Variants in LGSN observed in about 807,000 individuals in gnomAD.
LGSN encodes the protein lengsin, lens protein with glutamine synthetase domain, also known as lengsin.
Under a neutral mutation model 19.5 loss-of-function variants are expected in LGSN, and 21 were observed. That is an observed-to-expected ratio of 1.07 (90% CI 0.76 to 1.55). The LOEUF (loss-of-function observed/expected upper bound fraction) is 1.55. Among genes scored for constraint, LGSN ranks in the 40% most tolerant of loss-of-function variants. The pLI, the probability that LGSN is intolerant of heterozygous loss-of-function variation, is 0.00. For synonymous variants in LGSN, 257 were observed against 215.6 expected (o/e 1.19, Z -1.68); for missense variants, 673 against 608.5 (o/e 1.11, Z -1.12).
the LGSN span, among the ~76,000 whole-genome samples, chr6:63,457,031 A>G: frequency 1.3e-5 from 2 of 152,166 alleles, no homozygotes; most frequent in Non-Finnish European, 2.9e-5. Flanking sequence ...GCTTGACCTC[A>G]TTAAGGAATG....
the LGSN span, among the ~76,000 whole-genome samples, chr6:63,490,209 C>T: frequency 6.6e-6 from 1 of 152,168 alleles, no homozygotes; most frequent in Non-Finnish European, 1.5e-5. Flanking sequence ...TGTCCTTCTT[C>T]GAGTTAGATG....
chr6:63,489,830 C>T, the LGSN span, among the ~76,000 whole-genome samples: 1 of 152,128 alleles, frequency 6.6e-6, no homozygotes, highest in Non-Finnish European at 1.5e-5. Context: ...GCTCTGCCTC[C>T]TGAGGAGTAA....
the LGSN span, among the ~76,000 whole-genome samples, chr6:63,379,177 G>GC: frequency 1.3e-3 from 191 of 151,128 alleles, no homozygotes; most frequent in East Asian, 4.5e-3. Context: ...GAGAGTAAAT[G>GC]CCCCCCCCTT....
the LGSN span, among the ~76,000 whole-genome samples, chr6:63,332,607 C>A: frequency 6.6e-6 from 1 of 152,162 alleles, no homozygotes; most frequent in Non-Finnish European, 1.5e-5. Context: ...TCCTGGAAAG[C>A]CTGACACCCA....
At chr6:63,542,552 C>G in the LGSN span, among the ~76,000 whole-genome samples, 1 of 152,084 alleles carries the variant, frequency 6.6e-6, no homozygotes, top group Non-Finnish European at 1.5e-5. Context: ...CCCATGTTGC[C>G]TCTCTCCAAT....
the LGSN span, among the ~76,000 whole-genome samples, chr6:63,518,775 A>T: frequency 6.6e-6 from 1 of 152,230 alleles, no homozygotes; most frequent in African/African-American, 2.4e-5. Context: ...TCATAAATGT[A>T]CCTGGGAAGT....
intron 2 of LGSN, among the ~76,000 whole-genome samples, chr6:63,294,470 C>T (rs757157334): frequency 6.6e-6 from 1 of 152,160 alleles, no homozygotes; most frequent in Non-Finnish European, 1.5e-5. Flanking sequence ...TAGGATTGAG[C>T]CTGTTGCCCA....
chr6:63,297,450 A>T (rs933608703), intron 1 of LGSN, among the ~76,000 whole-genome samples: 2 of 152,076 alleles, frequency 1.3e-5, no homozygotes, highest in African/African-American at 4.8e-5. Flanking sequence ...TTTCAAATGA[A>T]GAATACATTT....
chr6:63,501,064 T>C, the LGSN span, among the ~76,000 whole-genome samples: 2 of 152,078 alleles, frequency 1.3e-5, no homozygotes, highest in Admixed American at 6.6e-5. Flanking sequence ...GCTTTGCTTT[T>C]TTAAAAAAGG....
the LGSN span, among the ~76,000 whole-genome samples, chr6:63,329,519 C>T: frequency 6.6e-6 from 1 of 152,192 alleles, no homozygotes. Context: ...CCTTACTAAG[C>T]CTTGAGCCTT....
At chr6:63,510,838 T>A in the LGSN span, among the ~76,000 whole-genome samples, 1 of 151,918 alleles carries the variant, frequency 6.6e-6, no homozygotes, top group Non-Finnish European at 1.5e-5. Context: ...CATACCTGGC[T>A]AATTTTTGTA....
chr6:63,451,492 A>T, the LGSN span, among the ~76,000 whole-genome samples: 1 of 152,230 alleles, frequency 6.6e-6, no homozygotes, highest in Admixed American at 6.5e-5. Flanking sequence ...ATGCAGGAAC[A>T]GAAAACCAAA....
chr6:63,380,448 A>G, the LGSN span, among the ~76,000 whole-genome samples: 3 of 152,212 alleles, frequency 2.0e-5, no homozygotes, highest in Non-Finnish European at 4.4e-5. Flanking sequence ...GCACAGACCT[A>G]TTTTTATGTT....
intron 1 of LGSN, among the ~76,000 whole-genome samples, chr6:63,302,711 C>T (rs1432866823): frequency 1.3e-5 from 2 of 152,150 alleles, no homozygotes; most frequent in Non-Finnish European, 2.9e-5. Flanking sequence ...GTGCTATGCA[C>T]CTAAATTGAA....
the LGSN span, among the ~76,000 whole-genome samples, chr6:63,553,459 G>A: frequency 1.3e-5 from 2 of 152,186 alleles, no homozygotes; most frequent in Non-Finnish European, 2.9e-5. Flanking sequence ...AGTTACATGG[G>A]TGGCCTAAAA....
chr6:63,419,240 G>T, the LGSN span, among the ~76,000 whole-genome samples: 1 of 152,100 alleles, frequency 6.6e-6, no homozygotes, highest in African/African-American at 2.4e-5. Flanking sequence ...AATGGTCAGG[G>T]TTTTTAGTTG....
At chr6:63,422,781 AGG>A in the LGSN span, among the ~76,000 whole-genome samples, 1 of 152,140 alleles carries the variant, frequency 6.6e-6, no homozygotes, top group Non-Finnish European at 1.5e-5. Context: ...CCAGGAAGAC[AGG>A]GAAAAGAAAA....
chr6:63,298,957 A>C (rs1047984145), intron 1 of LGSN, among the ~76,000 whole-genome samples: 1 of 152,212 alleles, frequency 6.6e-6, no homozygotes, highest in African/African-American at 2.4e-5. Flanking sequence ...CTTTTGGCTT[A>C]GTTACTATCC....
At chr6:63,535,710 G>A in the LGSN span, among the ~76,000 whole-genome samples, 1 of 152,128 alleles carries the variant, frequency 6.6e-6, no homozygotes, top group Non-Finnish European at 1.5e-5. Context: ...TAGTCACAAG[G>A]ATTGTGCCTT....
Sources: allele counts gnomAD v4.1 joint callset (sites outside exome capture counted in the v4.1 genomes callset), GRCh38; gene constraint gnomAD v4.1.1; transcripts MANE v1.5; gene names NCBI Gene and HGNC (gene_info 2026-07-23, HGNC 2026-07-21).